PHLDB1: variants seen among roughly 807,000 people sequenced by gnomAD.
The protein encoded by PHLDB1 is pleckstrin homology-like domain family B member 1.
Under a neutral mutation model 139.3 loss-of-function variants are expected in PHLDB1, and 65 were observed. The observed-to-expected ratio is 0.47, with a 90% CI of 0.38 to 0.57. The LOEUF (loss-of-function observed/expected upper bound fraction) is 0.57. PHLDB1 is among the 20% of genes least tolerant of loss of function. The probability of loss-of-function intolerance (pLI) is 0.00; values close to 1 mark genes in which losing one functional copy is unlikely to be tolerated. For missense variants in PHLDB1, 1,624 were observed against 1,839.7 expected (o/e 0.88, Z 2.14); for synonymous variants, 679 against 734.5 (o/e 0.92, Z 1.22).
chr11:118,617,895 G>C (rs782178468), intron 4 of PHLDB1, among the ~76,000 whole-genome samples: 22 of 152,078 alleles, frequency 1.4e-4, no homozygotes, highest in South Asian at 6.2e-4. Context: ...TGAGACAATA[G>C]AGCAGCAAGG....
At position 118,613,902 on chromosome 11, in the gene PHLDB1, TG is replaced by T. The variant is rs782269113; in HGVS notation, c.60+9del. ...AGACCCAGACCATGGTGCAGGTGAG[TG>T]GGATCAGGGCTGTGAGGCAAGAGAG... is the stretch of plus-strand genomic sequence containing the variant. On this transcript the variant is annotated splice_region_variant and intron_variant, in intron 2 of 22. Coordinates refer to ENST00000600882, the MANE Select transcript of PHLDB1 (RefSeq NM_001144758.3). The T allele has an allele frequency of 1.9e-6, 3 of 1,585,486 alleles. No homozygotes were observed. Among genetic ancestry groups the T allele is most frequent in the Non-Finnish European group, 2.6e-6 (3 of 1,155,168 alleles).
At position 118,628,648 on chromosome 11, in the gene PHLDB1, C is replaced by T. The variant is rs1555107006; in HGVS notation, c.1825C>T (p.Leu609=). The T allele has an allele frequency of 1.2e-6, 2 of 1,603,726 alleles. No individual in the cohort carries two copies. The highest frequency in any genetic ancestry group is 1.7e-6 in the Non-Finnish European group (2 of 1,176,528). Residue 609 remains leucine, a splice_region_variant and synonymous_variant, in exon 6 of 23, where the codon CTG becomes TTG. Transcript: ENST00000600882. ...GCTCCGGGAGCAGGAGATGGAGAGG[C>T]TGGTGAGCGGGTGCCAGGGAGGCTT... ...ERLREQEMER[L]ERQRLETILN...
intron 12 of PHLDB1, 94 bp from the exon 13 acceptor site, chr11:118,642,160 C>G (rs1555121613): frequency 8.6e-7 from 1 of 1,163,358 alleles, no homozygotes; most frequent in East Asian, 2.3e-5. Context: ...CTTCTTTCTC[C>G]CTTCTCCTGC....
chr11:118,650,049 C>T lies in PHLDB1; in HGVS notation c.3655-28C>T. On this transcript the variant is annotated intron_variant, in intron 18 of 22. Transcript: ENST00000600882. The surrounding 1 kb of genome is among the most constrained non-coding windows in gnomAD (Gnocchi z 4.7). ...GGGAATAATGAGGGAAGAGAGGAGA[C>T]TCTCCTGACCCTCCCTCTTGCTCCC... 1 of 1,495,334 alleles carries T rather than the reference C, an allele frequency of 6.7e-7. No homozygotes were observed. Among genetic ancestry groups the T allele is most frequent in the Admixed American group, 1.7e-5 (1 of 59,882 alleles). 92.6% of individuals were successfully genotyped at this position (1,495,334 alleles called of 1,614,324 possible).
At chr11:118,607,329 TGTGGTG>T (rs60326273), upstream of PHLDB1, among the ~76,000 whole-genome samples, 9,406 of 56,832 alleles carry the variant, frequency 0.17, 1,038 homozygotes, top group Admixed American at 0.27. Context: ...GAGGGGGATG[TGTGGTG>T]GTGGTGGTGG....
intron 10 of PHLDB1, 40 bp downstream of exon 10, chr11:118,635,588 C>T: frequency 6.9e-7 from 1 of 1,453,540 alleles, no homozygotes; most frequent in Non-Finnish European, 9.1e-7. Context: ...CTGTTGGAGG[C>T]CAGTGACCTG....
At chr11:118,655,526 C>T in intron 20 of PHLDB1, 79 bp from the exon 21 acceptor site, 1 of 872,106 alleles carries the variant, frequency 1.1e-6, no homozygotes. Context: ...TTTGGAAGCT[C>T]AGGCCATGGA....
intron 12 of PHLDB1, chr11:118,641,911 C>T (rs1279544883): frequency 4.7e-5 from 31 of 660,280 alleles, no homozygotes; most frequent in Non-Finnish European, 6.6e-5. Context: ...CCTGCAGGCT[C>T]TGTCTGGTGG....
chr11:118,628,330 G>A lies in PHLDB1; in HGVS notation c.1507G>A (p.Glu503Lys). ...RRWAAHGASP[E>K]DFSLTLGARG... ...CTGGGCAGCCCATGGGGCTTCACCA[G>A]AGGACTTCTCCCTGACGCTGGGGGC... The change falls in exon 6 of 23, where the codon GAG (glutamate) becomes AAG (lysine). Residue 503 changes from glutamate to lysine, a missense_variant. By Grantham distance (56) the Glu-to-Lys change is moderately conservative. Coordinates refer to ENST00000600882, the MANE Select transcript of PHLDB1 (RefSeq NM_001144758.3). The A allele has an allele frequency of 6.2e-7, 1 of 1,612,930 alleles. No individual in the cohort carries two copies. The highest frequency in any genetic ancestry group is 8.5e-7 in the Non-Finnish European group (1 of 1,179,550).
In PHLDB1 at chr11:118,628,137, G is replaced by C; in HGVS notation, c.1314G>C (p.Leu438=). ...TFSDGLATRT[L]QPPESPRLGR... ...CAGATGGGTTAGCCACCCGTACCCT[G>C]CAGCCTCCTGAGAGTCCCCGCCTGG... Residue 438 remains leucine (L), a synonymous_variant, in exon 6 of 23, where the codon CTG becomes CTC. Transcript: ENST00000600882. The C allele has an allele frequency of 6.2e-7, 1 of 1,614,092 alleles. No homozygotes were observed. Among genetic ancestry groups the C allele is most frequent in the Non-Finnish European group, 8.5e-7 (1 of 1,180,018 alleles).
rs782380091 is a variant in PHLDB1 at position 118,631,211 on chromosome 11, G to A, written c.1832G>A (p.Arg611His). The A allele has an allele frequency of 3.5e-6, 5 of 1,420,708 alleles. No homozygotes were observed. Among genetic ancestry groups the A allele is most frequent in the Non-Finnish European group, 4.6e-6 (5 of 1,082,486 alleles). 88.0% of individuals were successfully genotyped at this position (1,420,708 alleles called of 1,614,324 possible). ...LREQEMERLERQRLETILNLC... is the reference protein window; with the variant it reads ...LREQEMERLEHQRLETILNLC... ...TGCTCTGTCCATCCTCCCCAGGAAC[G>A]CCAGCGCCTGGAGACCATCCTGAAC... The change falls in exon 7 of 23, where the codon CGC (arginine) becomes CAC (histidine). Residue 611 changes from arginine to histidine, a missense_variant. Physicochemically the swap from Arg to His is conservative, Grantham distance 29 (BLOSUM62 0). Coordinates refer to ENST00000600882, the MANE Select transcript of PHLDB1 (RefSeq NM_001144758.3).
intron 2 of PHLDB1, among the ~76,000 whole-genome samples, chr11:118,614,183 G>A (rs913466884): frequency 2.6e-5 from 4 of 152,114 alleles, no homozygotes; most frequent in African/African-American, 9.7e-5. Context: ...CTTAGCAGGG[G>A]CAAGCAATGG....
chr11:118,628,937 G>A (rs569971542), intron 6 of PHLDB1, among the ~76,000 whole-genome samples: 1 of 152,342 alleles, frequency 6.6e-6, no homozygotes, highest in African/African-American at 2.4e-5. Context: ...GTTTACCTGA[G>A]CACAGTGAAG....
At chr11:118,635,197 T>G in intron 9 of PHLDB1, 196 bp from the exon 10 acceptor site, 1 of 644,830 alleles carries the variant, frequency 1.6e-6, no homozygotes, top group Non-Finnish European at 2.7e-6. Context: ...ACCGGGAAGG[T>G]TGGGGAATCA....
chr11:118,613,599 G>A, intron 1 of PHLDB1: 2 of 632,038 alleles, frequency 3.2e-6, no homozygotes, highest in East Asian at 3.8e-5. Flanking sequence ...CAGGGGGCAG[G>A]ACTGGTATCC....
At chr11:118,615,890 G>A (rs1555088738) in intron 3 of PHLDB1, 151 bp from the exon 4 acceptor site, 1 of 644,896 alleles carries the variant, frequency 1.6e-6, no homozygotes, top group African/African-American at 1.8e-5. Context: ...TATAGACCAG[G>A]CTCAGGGGCC....
Position 118,616,428 on chromosome 11 carries a change from C to T in PHLDB1, c.355+217C>T, listed in dbSNP as rs117930528. Among the ~76,000 whole-genome samples the T allele has an allele frequency of 1.9e-3, 293 of 152,268 alleles. 9 individuals carry two copies. The East Asian group carries it at 0.042, about 22-fold the overall frequency. ...ACCTGCTTTTCTTCTCTGGTCACCCCCAACCTGTCTCCACATACTATGGGG... is the reference window on the plus strand; with the variant it reads ...ACCTGCTTTTCTTCTCTGGTCACCCTCAACCTGTCTCCACATACTATGGGG... On this transcript the variant is annotated intron_variant, in intron 4 of 22. Transcript: ENST00000600882.
chr11:118,627,597 C>G lies in PHLDB1; in HGVS notation c.774C>G (p.Leu258=). ...YENTSPAFSP[L]SSPASSGSCA... ...ACACCTCTCCAGCCTTCTCTCCACT[C>G]TCTTCACCAGCCAGCAGTGGAAGCT... Residue 258 remains leucine (L), a synonymous_variant, in exon 6 of 23, where the codon CTC becomes CTG. Coordinates refer to ENST00000600882, the MANE Select transcript of PHLDB1 (RefSeq NM_001144758.3). 1 of 1,613,788 alleles carries G rather than the reference C, an allele frequency of 6.2e-7. No individual in the cohort carries two copies.
intron 18 of PHLDB1, among the ~76,000 whole-genome samples, chr11:118,648,337 G>A (rs1487990265): frequency 6.7e-6 from 1 of 149,770 alleles, no homozygotes; most frequent in Non-Finnish European, 1.5e-5. Context: ...GTGTGCTGGG[G>A]TAGTGGGTTG....
Sources: allele counts gnomAD v4.1 joint callset (sites outside exome capture counted in the v4.1 genomes callset), GRCh38; gene constraint gnomAD v4.1.1; non-coding constraint Gnocchi (gnomAD v3.1); transcripts MANE v1.5; gene names NCBI Gene and HGNC (gene_info 2026-07-23, HGNC 2026-07-21).